The following MYO1H variants were observed in gnomAD, a reference collection of about 807,000 sequenced individuals.
MYO1H encodes the protein myosin IH.
A neutral mutation model predicts 149.3 loss-of-function variants in MYO1H; 118 were observed. That is an observed-to-expected ratio of 0.79 (90% CI 0.68 to 0.92). MYO1H has a LOEUF of 0.92. MYO1H is among the 40% of genes least tolerant of loss of function. The probability of loss-of-function intolerance (pLI) is 0.00; values close to 1 mark genes in which losing one functional copy is unlikely to be tolerated. For synonymous variants in MYO1H, 447 were observed against 465.2 expected (o/e 0.96, Z 0.50); for missense variants, 1,212 against 1,280.7 (o/e 0.95, Z 0.82).
At chr12:109,425,878 T>C (rs1023403976) in intron 17 of MYO1H, 68 bp from the exon 18 acceptor site, 3 of 1,168,878 alleles carry the variant, frequency 2.6e-6, no homozygotes, top group Admixed American at 1.9e-5. Flanking sequence ...GGCCAGTCTT[T>C]TTGTATTCGT....
chr12:109,435,206 T>G, intron 21 of MYO1H, 93 bp downstream of exon 21: 1 of 763,132 alleles, frequency 1.3e-6, no homozygotes, highest in African/African-American at 1.7e-5. Flanking sequence ...TTTGATATAG[T>G]GTTAGAAGCA....
At chr12:109,415,437 C>T in intron 14 of MYO1H, 89 bp from the exon 15 acceptor site, 2 of 1,232,378 alleles carry the variant, frequency 1.6e-6, no homozygotes, top group East Asian at 2.6e-5. Context: ...GATTGTGCCA[C>T]TGCACTCCAG....
At chr12:109,416,822 T>C (rs2135567648) in intron 15 of MYO1H, among the ~76,000 whole-genome samples, 1 of 152,146 alleles carries the variant, frequency 6.6e-6, no homozygotes, top group South Asian at 2.1e-4. Flanking sequence ...GCCCCATCTC[T>C]ACTAAAAATA....
intron 1 of MYO1H, among the ~76,000 whole-genome samples, chr12:109,357,778 G>C (rs1868641144): frequency 1.3e-5 from 1 of 74,768 alleles, no homozygotes; most frequent in Non-Finnish European, 2.3e-5. Flanking sequence ...CTCATGCCAT[G>C]AAATACTATT....
the MYO1H span, among the ~76,000 whole-genome samples, chr12:109,311,373 G>A: frequency 1.6e-3 from 250 of 152,274 alleles, no homozygotes; most frequent in Non-Finnish European, 2.9e-3. Flanking sequence ...GGCCTGGTTG[G>A]TAAAAATATT....
At chr12:109,377,117 T>G (rs1302252457) in intron 1 of MYO1H, among the ~76,000 whole-genome samples, 1 of 152,180 alleles carries the variant, frequency 6.6e-6, no homozygotes, top group East Asian at 1.9e-4. Context: ...CACTCCAAAG[T>G]AAAATATCTT....
chr12:109,359,832 G>C (rs531645097), intron 1 of MYO1H, among the ~76,000 whole-genome samples: 34 of 152,266 alleles, frequency 2.2e-4, no homozygotes, highest in African/African-American at 7.7e-4. Context: ...GGGCGTCTTT[G>C]GCAAACTAAT....
At chr12:109,398,327 G>T (rs915580726) in intron 5 of MYO1H, among the ~76,000 whole-genome samples, 1 of 152,214 alleles carries the variant, frequency 6.6e-6, no homozygotes, top group Non-Finnish European at 1.5e-5. Context: ...CTACACTGTG[G>T]TGTGTTCACA....
chr12:109,428,764 C>T (rs916291625), intron 19 of MYO1H, among the ~76,000 whole-genome samples: 7 of 151,726 alleles, frequency 4.6e-5, no homozygotes, highest in Admixed American at 1.3e-4. Context: ...CTGACTTCTG[C>T]GGCAGATGGC....
chr12:109,313,906 C>T, the MYO1H span, among the ~76,000 whole-genome samples: 2 of 151,994 alleles, frequency 1.3e-5, no homozygotes, highest in South Asian at 2.1e-4. Context: ...TTTTTTTAGA[C>T]GGAGTTTCGC....
intron 3 of MYO1H, among the ~76,000 whole-genome samples, chr12:109,395,087 A>G (rs1379921338): frequency 6.6e-6 from 1 of 152,168 alleles, no homozygotes; most frequent in Non-Finnish European, 1.5e-5. Context: ...AAAAGCCGAA[A>G]TGGCTTTGGA....
At chr12:109,411,121 G>A (rs910788196) in intron 13 of MYO1H, among the ~76,000 whole-genome samples, 7 of 151,958 alleles carry the variant, frequency 4.6e-5, no homozygotes, top group South Asian at 2.1e-4. Flanking sequence ...CAGCCTGGGC[G>A]ACAGAGGGAG....
At chr12:109,414,094 C>T (rs11066523) in intron 14 of MYO1H, among the ~76,000 whole-genome samples, 49,988 of 151,912 alleles carry the variant, frequency 0.33, 8,405 homozygotes, top group Admixed American at 0.4. Context: ...ACAGGCATAT[C>T]GTTTTCAAAA....
At chr12:109,337,238 T>C in the MYO1H span, among the ~76,000 whole-genome samples, 1 of 152,142 alleles carries the variant, frequency 6.6e-6, no homozygotes, top group Non-Finnish European at 1.5e-5. Flanking sequence ...CTCAAAGAAT[T>C]GAAACATTTG....
At chr12:109,406,812 C>T in exon 9 of MYO1H, 1 of 1,613,826 alleles carries the variant, frequency 6.2e-7, no homozygotes, top group Non-Finnish European at 8.5e-7. Flanking sequence ...ACCCATCAGT[C>T]CTTCTGGAAG....
chr12:109,411,910 G>A (rs758783614), exon 14 of MYO1H: 41 of 1,605,082 alleles, frequency 2.6e-5, no homozygotes, highest in Non-Finnish European at 3.3e-5. Flanking sequence ...GAATGCATTC[G>A]GCCTGGTCCT....
At chr12:109,389,853 T>A in intron 2 of MYO1H, among the ~76,000 whole-genome samples, 1 of 152,346 alleles carries the variant, frequency 6.6e-6, no homozygotes. Flanking sequence ...GCTCGTGACT[T>A]AATCTATATG....
At chr12:109,380,470 T>G (rs1869182157) in intron 1 of MYO1H, among the ~76,000 whole-genome samples, 1 of 152,214 alleles carries the variant, frequency 6.6e-6, no homozygotes, top group Non-Finnish European at 1.5e-5. Context: ...ACAATTCCAG[T>G]GAGGTTTACC....
At chr12:109,312,972 G>T in the MYO1H span, among the ~76,000 whole-genome samples, 1 of 151,970 alleles carries the variant, frequency 6.6e-6, no homozygotes, top group Non-Finnish European at 1.5e-5. Flanking sequence ...TGGGTGTGGT[G>T]GCTCAGGGCT....
Sources: allele counts gnomAD v4.1 joint callset (sites outside exome capture counted in the v4.1 genomes callset), GRCh38; gene constraint gnomAD v4.1.1; transcripts MANE v1.5; gene names NCBI Gene and HGNC (gene_info 2026-07-23, HGNC 2026-07-21).